The following MED12L variants were observed in gnomAD, a reference collection of about 807,000 sequenced individuals.
The protein encoded by MED12L is mediator complex subunit 12L.
Under a neutral mutation model 281.3 loss-of-function variants are expected in MED12L, and 60 were observed. That is an observed-to-expected ratio of 0.21 (90% CI 0.17 to 0.26). The LOEUF is 0.26. MED12L is among the 10% of genes least tolerant of loss of function. The pLI is 1.00. For missense variants in MED12L, 2,146 were observed against 2,680.9 expected (o/e 0.80, Z 4.41); for synonymous variants, 974 against 987.2 (o/e 0.99, Z 0.25).
At chr3:151,372,248 T>G (rs1461804902) in intron 26 of MED12L, among the ~76,000 whole-genome samples, 1 of 152,244 alleles carries the variant, frequency 6.6e-6, no homozygotes, top group Non-Finnish European at 1.5e-5. Flanking sequence ...CATTCATGCT[T>G]GAAATATTGG....
rs190718539 is a variant in MED12L at position 151,422,516 on chromosome 3, C to T, written c.6408+6094C>T. Reference sequence around the variant, plus strand: ...CGCAGGCATTCTCCCTGTGCATATACGTGTCTACTTTTTTATAAGGATACC... The same window carrying T: ...CGCAGGCATTCTCCCTGTGCATATATGTGTCTACTTTTTTATAAGGATACC... On this transcript the variant is annotated intron_variant, in intron 43 of 44. Transcript: ENST00000687756. Among the ~76,000 whole-genome samples, 10 of 152,272 alleles carry T rather than the reference C, an allele frequency of 6.6e-5. No individual in the cohort carries two copies. The East Asian group carries it at 1.9e-3, about 29-fold the overall frequency.
At chr3:151,175,094 T>A (rs1165892248) in intron 11 of MED12L, among the ~76,000 whole-genome samples, 1 of 152,230 alleles carries the variant, frequency 6.6e-6, no homozygotes, top group Non-Finnish European at 1.5e-5. Context: ...TATTATCTTA[T>A]ATTGGTGACT....
At chr3:151,374,273 C>A (rs901796776) in intron 27 of MED12L, among the ~76,000 whole-genome samples, 5 of 152,170 alleles carry the variant, frequency 3.3e-5, no homozygotes, top group African/African-American at 1.2e-4. Flanking sequence ...TAGGCTAGGG[C>A]GCAGCGGCTC....
chr3:151,213,555 G>C, intron 16 of MED12L: 1 of 1,614,144 alleles, frequency 6.2e-7, no homozygotes, highest in Non-Finnish European at 8.5e-7. Context: ...TTGTGTAGGG[G>C]ATTCTGGCAA....
chr3:151,388,291 TCTC>T, intron 37 of MED12L, 119 bp downstream of exon 37: 1 of 1,268,540 alleles, frequency 7.9e-7, no homozygotes, highest in Non-Finnish European at 1.1e-6. Flanking sequence ...TTATGACAGT[TCTC>T]CTAACAGGTT....
chr3:151,291,672 A>T (rs964107998), intron 16 of MED12L, among the ~76,000 whole-genome samples: 2 of 152,202 alleles, frequency 1.3e-5, no homozygotes, highest in African/African-American at 4.8e-5. Context: ...AAATGTAATT[A>T]TTTTATTCAA....
In MED12L at chr3:151,349,980, G is replaced by T; in HGVS notation, c.2251-79G>T. 11 of 1,383,992 alleles carry T rather than the reference G, an allele frequency of 7.9e-6. No individual in the cohort carries two copies. In the South Asian group the frequency reaches 1.2e-4, roughly 15 times the overall value. 85.7% of individuals were successfully genotyped at this position (1,383,992 alleles called of 1,614,324 possible). On this transcript the variant is annotated intron_variant, in intron 16 of 44. Transcript: ENST00000687756. Reference sequence around the variant, plus strand: ...CCGCAAGCCAGCATGGAGGTGCTGTGGTCAGTGCATTTCAGGGATATGAAA... The same window carrying T: ...CCGCAAGCCAGCATGGAGGTGCTGTTGTCAGTGCATTTCAGGGATATGAAA...
intron 2 of MED12L, among the ~76,000 whole-genome samples, chr3:151,108,271 T>G (rs1711496093): frequency 6.6e-6 from 1 of 151,790 alleles, no homozygotes; most frequent in African/African-American, 2.4e-5. Context: ...AGGGGGGTTG[T>G]AGTATTTTAA....
chr3:151,390,614 T>C (rs1335757766), intron 38 of MED12L, among the ~76,000 whole-genome samples: 1 of 152,232 alleles, frequency 6.6e-6, no homozygotes, highest in Non-Finnish European at 1.5e-5. Flanking sequence ...CAAGCCCAAG[T>C]AGATTTCTCG....
Position 151,413,123 on chromosome 3 carries a change from C to T in MED12L, c.6141-16C>T. 6.2e-7 allele frequency: 1 copy of T among 1,605,976 alleles called. No homozygotes were observed. Among genetic ancestry groups the T allele is most frequent in the Non-Finnish European group, 8.5e-7 (1 of 1,173,580 alleles). ...TTATGCTTGGGCCTGAACCAAGTTG[C>T]ATTATTCTTTGCCAGACTGAACCAT... On this transcript the variant is annotated splice_polypyrimidine_tract_variant and intron_variant, in intron 41 of 44. Transcript: ENST00000687756.
intron 16 of MED12L, among the ~76,000 whole-genome samples, chr3:151,273,432 A>G (rs4475010): frequency 0.48 from 67,798 of 141,644 alleles, 16,408 homozygotes; most frequent in Middle Eastern, 0.64. Context: ...TAGTAGAGAC[A>G]GAGTTTCACC....
At chr3:151,329,035 A>G (rs781100764) in intron 16 of MED12L, 1 of 1,480,204 alleles carries the variant, frequency 6.8e-7, no homozygotes, top group Non-Finnish European at 9.1e-7. Flanking sequence ...ATATACAAAC[A>G]AAAGAAAACA....
At chr3:151,232,338 A>G (rs770050679) in intron 16 of MED12L, among the ~76,000 whole-genome samples, 3 of 152,148 alleles carry the variant, frequency 2.0e-5, no homozygotes, top group African/African-American at 4.8e-5. Context: ...TTTCTCTGCA[A>G]CCTTGCCAGC....
At chr3:151,159,041 A>G (rs1366935269) in intron 7 of MED12L, among the ~76,000 whole-genome samples, 1 of 152,228 alleles carries the variant, frequency 6.6e-6, no homozygotes, top group Non-Finnish European at 1.5e-5. Context: ...TTTTACCCAC[A>G]TTGATTTCTC....
intron 16 of MED12L, among the ~76,000 whole-genome samples, chr3:151,292,939 G>A (rs1470415000): frequency 2.0e-5 from 3 of 152,146 alleles, no homozygotes; most frequent in Non-Finnish European, 4.4e-5. Context: ...ACACAATTGG[G>A]GGCGGTGATA....
rs150523059 is a variant in MED12L, at chr3:151,101,427, T to C, written c.99+14402T>C. Among the ~76,000 whole-genome samples the C allele has an allele frequency of 5.2e-3, 797 of 152,178 alleles. 10 individuals carry two copies. Among genetic ancestry groups the C allele is most frequent in the African/African-American group, 0.018 (764 of 41,520 alleles). On this transcript the variant is annotated intron_variant, in intron 2 of 44. Coordinates refer to ENST00000687756, the MANE Select transcript of MED12L (RefSeq NM_001393769.1). Reference sequence around the variant, plus strand: ...AGGTACTTAACTTGCCCAGGGTCATTGAGTGGCATAGTGATGGAGTTGGAC... The same window carrying C: ...AGGTACTTAACTTGCCCAGGGTCATCGAGTGGCATAGTGATGGAGTTGGAC...
chr3:151,299,618 A>G (rs2149716601), intron 16 of MED12L, among the ~76,000 whole-genome samples: 1 of 151,614 alleles, frequency 6.6e-6, no homozygotes, highest in Non-Finnish European at 1.5e-5. Flanking sequence ...AGCAGGGACT[A>G]CAGACGTGCG....
chr3:151,396,066 C>T (rs1365735126), intron 39 of MED12L, among the ~76,000 whole-genome samples: 1 of 152,188 alleles, frequency 6.6e-6, no homozygotes, highest in Admixed American at 6.5e-5. Flanking sequence ...ATTGCTTTAG[C>T]TCCCTGAGTG....
chr3:151,107,838 T>C (rs1722264086), intron 2 of MED12L, among the ~76,000 whole-genome samples: 1 of 152,190 alleles, frequency 6.6e-6, no homozygotes, highest in East Asian at 1.9e-4. Context: ...AGATCAGTTA[T>C]CTTAGTCTCA....
Sources: gnomAD v4.1 joint callset for allele counts (sites outside exome capture counted in the v4.1 genomes callset) on GRCh38, gnomAD v4.1.1 for gene constraint, MANE v1.5 for transcripts, NCBI Gene and HGNC (gene_info 2026-07-23, HGNC 2026-07-21) for gene names.